Variants in NAV3 observed in about 807,000 individuals in gnomAD.
NAV3 encodes pore membrane and/or filament interacting like protein 1.
Under a neutral mutation model 244.7 loss-of-function variants are expected in NAV3, and 87 were observed. The ratio of observed to expected loss-of-function variants is 0.36; its 90% CI spans 0.30 to 0.42. The LOEUF is 0.42. Among genes scored for constraint, NAV3 ranks in the 20% least tolerant of loss-of-function variants. The pLI is 1.00. For missense variants in NAV3, 2,663 were observed against 2,893.3 expected, an observed-to-expected ratio of 0.92 and a Z score of 1.83; for synonymous variants, 1,126 against 1,042.2, an observed-to-expected ratio of 1.08 and a Z score of -1.55.
At chr12:77,773,517 T>A (rs779032022) in intron 2 of NAV3, among the ~76,000 whole-genome samples, 1 of 152,060 alleles carries the variant, frequency 6.6e-6, no homozygotes, top group African/African-American at 2.4e-5. Flanking sequence ...TGGCTCAACA[T>A]AGTAGAAAAA....
In NAV3 at chr12:78,135,021, A is replaced by G. The variant is rs1013447577; in HGVS notation, c.4442-2156A>G. Among the ~76,000 whole-genome samples the G allele has an allele frequency of 2.0e-5, 3 of 151,972 alleles. No homozygotes were observed. In the East Asian group the frequency reaches 5.8e-4, roughly 29 times the overall value. On this transcript the variant is annotated intron_variant, in intron 18 of 39. Coordinates refer to ENST00000397909, the MANE Select transcript of NAV3 (RefSeq NM_001024383.2). The stretch of plus-strand genomic sequence containing the variant: ...GATCTTATAGTCCTTTTATTCTTCC[A>G]TTTTTTAGTCATAAAAAAACTGAAG...
intron 2 of NAV3, among the ~76,000 whole-genome samples, chr12:77,692,027 G>A (rs755613964): frequency 1.3e-5 from 2 of 151,892 alleles, no homozygotes; most frequent in Non-Finnish European, 2.9e-5. Context: ...ATGTTTATCC[G>A]TGGATGCCAG....
At chr12:77,935,231 A>T (rs978103760) in intron 1 of NAV3, among the ~76,000 whole-genome samples, 5 of 152,198 alleles carry the variant, frequency 3.3e-5, no homozygotes, top group Non-Finnish European at 7.4e-5. Context: ...GTAAAAAAAA[A>T]TCACAAATGT....
At chr12:77,785,418 A>T (rs188286100) in intron 2 of NAV3, among the ~76,000 whole-genome samples, 62 of 152,246 alleles carry the variant, frequency 4.1e-4, no homozygotes, top group Non-Finnish European at 3.2e-4. Context: ...TCCTAATTGT[A>T]AAAGAGCTTG....
At chr12:77,728,612 GGAAATGCACAGGTTTATGGCTGGA>G (rs1876986565) in intron 2 of NAV3, among the ~76,000 whole-genome samples, 1 of 151,880 alleles carries the variant, frequency 6.6e-6, no homozygotes, top group Non-Finnish European at 1.5e-5. Flanking sequence ...GAGTGAGGGA[GGAAATGCACAGGTTTATGGCTGGA>G]GAAGTACAGT....
intron 1 of NAV3, among the ~76,000 whole-genome samples, chr12:77,928,694 G>C (rs1211337299): frequency 6.6e-6 from 1 of 152,130 alleles, no homozygotes; most frequent in African/African-American, 2.4e-5. Flanking sequence ...AGTTAGCATA[G>C]TAAATCCTAC....
intron 2 of NAV3, among the ~76,000 whole-genome samples, chr12:77,612,132 G>A (rs1870943943): frequency 6.6e-6 from 1 of 151,952 alleles, no homozygotes; most frequent in African/African-American, 2.4e-5. Flanking sequence ...AGTAGAAAGT[G>A]TGAACAGACT....
chr12:77,908,992 C>T (rs187326914), intron 1 of NAV3, among the ~76,000 whole-genome samples: 22 of 152,170 alleles, frequency 1.4e-4, no homozygotes, highest in African/African-American at 4.8e-4. Flanking sequence ...TCGTTTCACC[C>T]TGCTCATGCT....
At chr12:77,901,668 C>T (rs1321181757) in intron 1 of NAV3, among the ~76,000 whole-genome samples, 1 of 152,106 alleles carries the variant, frequency 6.6e-6, no homozygotes, top group Non-Finnish European at 1.5e-5. Flanking sequence ...TGAGATCGCA[C>T]CACCGCCAGC....
At chr12:78,080,196 T>C (rs2137810215) in intron 12 of NAV3, among the ~76,000 whole-genome samples, 1 of 152,260 alleles carries the variant, frequency 6.6e-6, no homozygotes, top group Admixed American at 6.5e-5. Context: ...GCATAGTAGG[T>C]ACTCATGTGG....
At chr12:77,686,562 AT>A (rs1268983754) in intron 2 of NAV3, among the ~76,000 whole-genome samples, 1 of 151,740 alleles carries the variant, frequency 6.6e-6, no homozygotes, top group Non-Finnish European at 1.5e-5. Context: ...ATTTGTCAGG[AT>A]ATTTTAAGCC....
intron 7 of NAV3, among the ~76,000 whole-genome samples, chr12:78,002,910 G>T (rs942914315): frequency 6.6e-6 from 1 of 151,534 alleles, no homozygotes; most frequent in Non-Finnish European, 1.5e-5. Context: ...TGTGTTGTTG[G>T]TTTATGCATA....
Position 78,177,700 on chromosome 12 carries a change from G to C in NAV3, c.5363+15G>C. 6.3e-7 allele frequency: 1 copy of C among 1,595,658 alleles called. No homozygotes were observed. The highest frequency in any genetic ancestry group is 8.5e-7 in the Non-Finnish European group (1 of 1,178,124). ...CATAGATCTCGGTAAAGTGGAGTGC[G>C]ATGCATGAATACTGCAAAGATCCAG... On this transcript the variant is annotated intron_variant, in intron 28 of 39. Transcript: ENST00000397909.
At chr12:78,068,228 T>C (rs2137566965) in intron 12 of NAV3, among the ~76,000 whole-genome samples, 1 of 152,106 alleles carries the variant, frequency 6.6e-6, no homozygotes, top group South Asian at 2.1e-4. Flanking sequence ...AGCTTACCCA[T>C]AGATACTTTC....
chr12:78,117,936 A>G (rs1955493034), intron 13 of NAV3, 91 bp from the exon 14 acceptor site: 1 of 1,227,074 alleles, frequency 8.1e-7, no homozygotes, highest in Admixed American at 2.6e-5. Flanking sequence ...CTTTGGATTT[A>G]TCCAGTTATC....
chr12:77,887,714 T>G (rs1382540273), intron 1 of NAV3, among the ~76,000 whole-genome samples: 1 of 152,152 alleles, frequency 6.6e-6, no homozygotes, highest in Non-Finnish European at 1.5e-5. Flanking sequence ...GTGAAATATT[T>G]TTAGAGTTTT....
chr12:78,113,787 G>T (rs1955228539), intron 12 of NAV3, among the ~76,000 whole-genome samples: 1 of 152,208 alleles, frequency 6.6e-6, no homozygotes, highest in Non-Finnish European at 1.5e-5. Flanking sequence ...AATTTCTGCA[G>T]CAGGCTTGAA....
intron 3 of NAV3, among the ~76,000 whole-genome samples, chr12:77,952,711 T>C (rs1731702): frequency 0.85 from 129,577 of 152,124 alleles, 55,315 homozygotes; most frequent in East Asian, 0.98. Flanking sequence ...GCTTCTCCCT[T>C]CCCTATGCCC....
intron 1 of NAV3, among the ~76,000 whole-genome samples, chr12:77,872,341 T>C (rs1423912232): frequency 4.6e-5 from 7 of 152,004 alleles, no homozygotes; most frequent in Non-Finnish European, 7.4e-5. Flanking sequence ...GACCAGCTAA[T>C]ACGGAAAAAA....
Sources: allele counts gnomAD v4.1 joint callset (sites outside exome capture counted in the v4.1 genomes callset), GRCh38; gene constraint gnomAD v4.1.1; transcripts MANE v1.5; gene names NCBI Gene and HGNC (gene_info 2026-07-23, HGNC 2026-07-21).